The following PCDH15 variants were observed in gnomAD, a reference collection of about 807,000 sequenced individuals.
The protein encoded by PCDH15 is protocadherin-15.
PCDH15 carries 129 observed loss-of-function variants against 178.5 expected under a neutral mutation model. That is an observed-to-expected ratio of 0.72 (90% CI 0.63 to 0.84). PCDH15 has a LOEUF of 0.84. Ranked by LOEUF, PCDH15 falls within the 40% of genes least tolerant of loss-of-function variation. The pLI is 0.00. For missense variants in PCDH15, 2,230 were observed against 2,099.9 expected (o/e 1.06, Z -1.21); for synonymous variants, 800 against 732.0 (o/e 1.09, Z -1.50).
chr10:55,226,920 C>T (rs1461340793), intron 1 of PCDH15, among the ~76,000 whole-genome samples: 2 of 151,754 alleles, frequency 1.3e-5, no homozygotes, highest in Non-Finnish European at 2.9e-5. Flanking sequence ...ATCCAGCTAA[C>T]ATAAGTAAAT....
chr10:54,839,565 GGA>G (rs1233103842), intron 3 of PCDH15, among the ~76,000 whole-genome samples: 1 of 152,008 alleles, frequency 6.6e-6, no homozygotes, highest in Non-Finnish European at 1.5e-5. Flanking sequence ...TCCAGAAAAA[GGA>G]GAGAGAGAAG....
At chr10:55,111,951 A>G (rs1227890882) in intron 2 of PCDH15, among the ~76,000 whole-genome samples, 3 of 152,218 alleles carry the variant, frequency 2.0e-5, no homozygotes, top group Non-Finnish European at 4.4e-5. Context: ...TCAATAAGGT[A>G]TGCAAATAAT....
intron 13 of PCDH15, among the ~76,000 whole-genome samples, chr10:54,168,129 C>T (rs1466672081): frequency 2.0e-5 from 3 of 152,130 alleles, no homozygotes; most frequent in African/African-American, 7.2e-5. Flanking sequence ...TTCTGCAATG[C>T]CGCTTGACCC....
intron 1 of PCDH15, among the ~76,000 whole-genome samples, chr10:55,247,362 G>A (rs190245902): frequency 7.2e-5 from 11 of 152,140 alleles, no homozygotes; most frequent in African/African-American, 1.9e-4. Context: ...GAAGTAAATG[G>A]CCTAGTCAAA....
chr10:55,472,107 A>G (rs551948831), intron 2 of PCDH15, among the ~76,000 whole-genome samples: 38 of 152,150 alleles, frequency 2.5e-4, no homozygotes, highest in Middle Eastern at 3.4e-3. Flanking sequence ...AGTACAACCT[A>G]CTGTTTGTCT....
intron 14 of PCDH15, among the ~76,000 whole-genome samples, chr10:54,147,438 G>A (rs2044099620): frequency 6.6e-6 from 1 of 151,802 alleles, no homozygotes; most frequent in Non-Finnish European, 1.5e-5. Context: ...AACATTTATT[G>A]TATTGATAAT....
At chr10:54,522,918 C>T (rs552126366) in intron 3 of PCDH15, among the ~76,000 whole-genome samples, 28 of 152,274 alleles carry the variant, frequency 1.8e-4, no homozygotes, top group African/African-American at 6.3e-4. Context: ...TAATACTAAA[C>T]TTTGACTAGG....
chr10:54,713,969 A>G (rs2095451448), intron 1 of PCDH15, among the ~76,000 whole-genome samples: 1 of 152,134 alleles, frequency 6.6e-6, no homozygotes, highest in African/African-American at 2.4e-5. Context: ...CAATGAACCA[A>G]TAGATTGTGA....
At chr10:54,780,714 A>G (rs1189130623) in intron 1 of PCDH15, among the ~76,000 whole-genome samples, 2 of 147,690 alleles carry the variant, frequency 1.4e-5, no homozygotes, top group South Asian at 4.4e-4. Flanking sequence ...TACACTCATC[A>G]GGTGATAAAG....
intron 9 of PCDH15, among the ~76,000 whole-genome samples, chr10:54,219,315 G>T (rs1230148550): frequency 6.8e-6 from 1 of 147,978 alleles, no homozygotes; most frequent in African/African-American, 2.5e-5. Context: ...GAGAGGCTGG[G>T]CGTGGTGGCT....
chr10:54,990,943 A>C (rs1010549631), intron 2 of PCDH15, among the ~76,000 whole-genome samples: 1 of 148,234 alleles, frequency 6.7e-6, no homozygotes, highest in East Asian at 2.0e-4. Flanking sequence ...GGCAATTCAA[A>C]TCTTCCCCAA....
intron 26 of PCDH15, among the ~76,000 whole-genome samples, chr10:53,895,290 A>G (rs376283561): frequency 1.3e-5 from 2 of 152,078 alleles, no homozygotes; most frequent in South Asian, 4.1e-4. Flanking sequence ...TTTTCTATCT[A>G]CGGCATCACT....
At chr10:54,259,781 C>T (rs528433636) in intron 8 of PCDH15, among the ~76,000 whole-genome samples, 1 of 152,172 alleles carries the variant, frequency 6.6e-6, no homozygotes, top group East Asian at 1.9e-4. Flanking sequence ...CTTGTAAATT[C>T]TACAAGGTTC....
chr10:54,864,406 G>T (rs1021606047), intron 3 of PCDH15, among the ~76,000 whole-genome samples: 3 of 151,978 alleles, frequency 2.0e-5, no homozygotes. Context: ...ACCATAATAT[G>T]GTATGCTTTA....
intron 1 of PCDH15, among the ~76,000 whole-genome samples, chr10:54,721,558 G>T (rs976510653): frequency 1.3e-5 from 2 of 151,544 alleles, no homozygotes; most frequent in African/African-American, 4.8e-5. Context: ...TGATACTACA[G>T]AAATACAAAA....
intron 8 of PCDH15, among the ~76,000 whole-genome samples, chr10:54,266,677 A>G (rs1244995636): frequency 5.9e-5 from 9 of 151,998 alleles, no homozygotes; most frequent in Non-Finnish European, 1.0e-4. Flanking sequence ...GAACATTTCT[A>G]TGTGCACAAC....
chr10:54,485,735 T>C (rs752424250), intron 3 of PCDH15, among the ~76,000 whole-genome samples: 4 of 152,008 alleles, frequency 2.6e-5, no homozygotes, highest in Non-Finnish European at 5.9e-5. Flanking sequence ...TTTTCAAAAG[T>C]CTAGCCTTCA....
intron 2 of PCDH15, among the ~76,000 whole-genome samples, chr10:55,350,235 A>ATATG (rs1844877147): frequency 3.1e-5 from 2 of 65,486 alleles, no homozygotes; most frequent in Admixed American, 1.6e-4. Flanking sequence ...ACTCATATAT[A>ATATG]TATATATATA....
chr10:55,553,747 T>C (rs1221326136), intron 2 of PCDH15, among the ~76,000 whole-genome samples: 1 of 151,878 alleles, frequency 6.6e-6, no homozygotes, highest in Non-Finnish European at 1.5e-5. Context: ...ATTACATGAG[T>C]TAACTAATAT....
Sources: allele counts gnomAD v4.1 joint callset (sites outside exome capture counted in the v4.1 genomes callset), GRCh38; gene constraint gnomAD v4.1.1; transcripts MANE v1.5; gene names NCBI Gene and HGNC (gene_info 2026-07-23, HGNC 2026-07-21).